RPS6KA2: variants seen among roughly 807,000 people sequenced by gnomAD.
RPS6KA2 encodes the protein ribosomal protein S6 kinase A2.
Under a neutral mutation model 91.8 loss-of-function variants are expected in RPS6KA2, and 42 were observed. That is an observed-to-expected ratio of 0.46 (90% confidence interval 0.36 to 0.59). The LOEUF is 0.59. Ranked by LOEUF, RPS6KA2 falls within the 20% of genes least tolerant of loss-of-function variation. RPS6KA2 has a pLI of 0.00. For missense variants in RPS6KA2, 798 were observed against 978.5 expected (o/e 0.82, Z 2.46); for synonymous variants, 414 against 393.6 (o/e 1.05, Z -0.61).
intron 1 of RPS6KA2, among the ~76,000 whole-genome samples, chr6:166,550,673 T>C (rs1162378024): frequency 6.6e-6 from 1 of 151,984 alleles, no homozygotes; most frequent in Non-Finnish European, 1.5e-5. Flanking sequence ...GTGGCAACAA[T>C]TTACTGGAAA....
In RPS6KA2 at chr6:166,504,553, G is replaced by T; in HGVS notation, c.519C>A (p.Asp173Glu). 6.2e-7 allele frequency: 1 copy of T among 1,613,924 alleles called. No individual in the cohort carries two copies. Among genetic ancestry groups the T allele is most frequent in the Non-Finnish European group, 8.5e-7 (1 of 1,179,840 alleles). ...FYLAELALAL[D>E]HLHSLGIIYR... ...AGATGATCCCCAGGCTGTGGAGATG[G>T]TCTAAAGCCAAGGCCAGCTCAGCCA... The change falls in exon 6 of 21, where the codon GAC becomes GAA. Residue 173 changes from aspartate (D) to glutamate (E), a missense_variant. Asp to Glu is a conservative substitution (Grantham distance 45). Coordinates refer to ENST00000265678, the MANE Select transcript of RPS6KA2 (RefSeq NM_021135.6).
intron 1 of RPS6KA2, among the ~76,000 whole-genome samples, chr6:166,573,832 TAGAG>T (rs1434519074): frequency 6.6e-6 from 1 of 152,264 alleles, no homozygotes; most frequent in East Asian, 1.9e-4. Context: ...TGAAAAAAGT[TAGAG>T]AGAACTTTTA....
intron 2 of RPS6KA2, among the ~76,000 whole-genome samples, chr6:166,834,942 T>C (rs1780281900): frequency 6.6e-6 from 1 of 152,180 alleles, no homozygotes; most frequent in South Asian, 2.1e-4. Context: ...AGTGTTATTG[T>C]TTTAGGTCTT....
rs1787723499 is a variant in RPS6KA2 at position 166,648,194 on chromosome 6, TCATA to T, written c.124-109414_124-109411del. 1.0e-4 allele frequency among the ~76,000 whole-genome samples: 7 copies of T among 70,336 alleles called. No individual in the cohort carries two copies. The highest frequency in any genetic ancestry group is 3.8e-4 in the African/African-American group (6 of 15,894). 46.1% of individuals were successfully genotyped at this position (70,336 alleles called of 152,430 possible). ...CATGCTCACACACATGCACACATGCTCATACACACACTCATGCACACACACGCAC... is the reference window on the plus strand; with the variant it reads ...CATGCTCACACACATGCACACATGCTCACACACTCATGCACACACACGCAC... On this transcript the variant is annotated intron_variant, in intron 2 of 21. Transcript: ENST00000503859. This position sits in a 1 kb window ranked among gnomAD's most constrained non-coding sequence, Gnocchi z 4.8.
intron 10 of RPS6KA2, among the ~76,000 whole-genome samples, chr6:166,484,745 C>T (rs1423592698): frequency 2.0e-5 from 3 of 152,296 alleles, no homozygotes; most frequent in Middle Eastern, 3.4e-3. Flanking sequence ...TCCACCACCA[C>T]GTGGTGTGTT....
intron 11 of RPS6KA2, among the ~76,000 whole-genome samples, chr6:166,466,192 G>A (rs1256031517): frequency 6.6e-6 from 1 of 152,222 alleles, no homozygotes; most frequent in Non-Finnish European, 1.5e-5. Flanking sequence ...CTTGGGTTGT[G>A]TTTGCTTTCC....
intron 2 of RPS6KA2, among the ~76,000 whole-genome samples, chr6:166,830,752 C>T (rs1335281135): frequency 2.0e-5 from 3 of 152,162 alleles, no homozygotes; most frequent in African/African-American, 2.4e-5. Context: ...GATCTGAAAG[C>T]GGGGGCTGAA....
intron 2 of RPS6KA2, among the ~76,000 whole-genome samples, chr6:166,656,771 G>A (rs955273682): frequency 1.4e-4 from 21 of 152,314 alleles, no homozygotes; most frequent in African/African-American, 4.6e-4. Context: ...GATGGGAAGG[G>A]CCCCGATCCC....
chr6:166,687,935 C>T (rs1428190760), intron 2 of RPS6KA2, among the ~76,000 whole-genome samples: 1 of 152,208 alleles, frequency 6.6e-6, no homozygotes, highest in Admixed American at 6.5e-5. Context: ...GGCCCCCAGA[C>T]CACCACTGGG....
chr6:166,491,500 TG>T (rs953658896), intron 8 of RPS6KA2, among the ~76,000 whole-genome samples: 11 of 152,230 alleles, frequency 7.2e-5, no homozygotes, highest in African/African-American at 2.7e-4. Context: ...AAACTAGGGC[TG>T]CAGCAGGAAC....
At chr6:166,709,124 G>A (rs1789774582) in intron 2 of RPS6KA2, among the ~76,000 whole-genome samples, 1 of 152,178 alleles carries the variant, frequency 6.6e-6, no homozygotes, top group African/African-American at 2.4e-5. Context: ...TTGTGCCTCA[G>A]TTTCCTCCTC....
chr6:166,738,523 C>T (rs576875803), intron 2 of RPS6KA2, among the ~76,000 whole-genome samples: 32 of 152,312 alleles, frequency 2.1e-4, no homozygotes, highest in Middle Eastern at 6.8e-3. Context: ...AGCTGACACT[C>T]ACAAGGAGAT....
At chr6:166,449,829 GACC>G in intron 13 of RPS6KA2, among the ~76,000 whole-genome samples, 1 of 119,730 alleles carries the variant, frequency 8.4e-6, no homozygotes, top group South Asian at 2.6e-4. Flanking sequence ...CCACCACAGG[GACC>G]ACCACGGGAC....
intron 3 of RPS6KA2, among the ~76,000 whole-genome samples, chr6:166,524,350 T>C (rs930242256): frequency 6.6e-6 from 1 of 152,106 alleles, no homozygotes; most frequent in Non-Finnish European, 1.5e-5. Context: ...ATATTTCACG[T>C]AAGCAGCTCA....
chr6:166,746,476 G>A (rs1219236235), intron 2 of RPS6KA2, among the ~76,000 whole-genome samples: 4 of 152,188 alleles, frequency 2.6e-5, no homozygotes. Context: ...ACAGTGCCTG[G>A]GGATTTCTTC....
chr6:166,444,650 C>T (rs539841169), intron 14 of RPS6KA2, among the ~76,000 whole-genome samples: 4 of 152,326 alleles, frequency 2.6e-5, no homozygotes, highest in East Asian at 3.9e-4. Context: ...GGAAGAGGGT[C>T]GGTGTCTTCC....
At chr6:166,613,870 C>T (rs9348154) in intron 1 of RPS6KA2, among the ~76,000 whole-genome samples, 1,459 of 144,878 alleles carry the variant, frequency 0.01, 1 homozygote, top group South Asian at 0.022. Context: ...GGGCTTTCCA[C>T]GGCCTTCAGG....
At chr6:166,694,791 T>C (rs1348284550) in intron 2 of RPS6KA2, among the ~76,000 whole-genome samples, 1 of 152,248 alleles carries the variant, frequency 6.6e-6, no homozygotes, top group Non-Finnish European at 1.5e-5. Context: ...TTACTGCATC[T>C]TTCCACGTTG....
chr6:166,744,013 C>T (rs996464046), intron 2 of RPS6KA2, among the ~76,000 whole-genome samples: 38 of 152,290 alleles, frequency 2.5e-4, no homozygotes, highest in South Asian at 1.7e-3. Context: ...TGTCAACCAC[C>T]GAGTGCAGTG....
Sources: allele counts gnomAD v4.1 joint callset (sites outside exome capture counted in the v4.1 genomes callset), GRCh38; gene constraint gnomAD v4.1.1; non-coding constraint Gnocchi (gnomAD v3.1); transcripts MANE v1.5; gene names NCBI Gene and HGNC (gene_info 2026-07-23, HGNC 2026-07-21).